MTCL3: variants seen among roughly 807,000 people sequenced by gnomAD.
MTCL3 encodes the protein microtubule cross-linking factor 3.
chr6:127,483,738 T>A, the MTCL3 span, among the ~76,000 whole-genome samples: 1 of 152,230 alleles, frequency 6.6e-6, no homozygotes, highest in Non-Finnish European at 1.5e-5. Context: ...AAGCGTAATA[T>A]GATCTCTGGT....
the MTCL3 span, chr6:127,515,724 AG>A: frequency 6.3e-7 from 1 of 1,591,634 alleles, no homozygotes; most frequent in Non-Finnish European, 8.5e-7. The surrounding 1 kb of genome is among the most constrained non-coding windows in gnomAD (Gnocchi z 4.3). Flanking sequence ...CGCAAACGGC[AG>A]GGGGGCCAGA....
the MTCL3 span, chr6:127,517,732 A>C: frequency 1.6e-4 from 25 of 152,176 alleles, no homozygotes; most frequent in Admixed American, 1.1e-3. Flanking sequence ...CAGTATGTGT[A>C]TTTCCAAGAT....
chr6:127,477,494 T>C, the MTCL3 span, among the ~76,000 whole-genome samples: 1 of 152,138 alleles, frequency 6.6e-6, no homozygotes, highest in African/African-American at 2.4e-5. Flanking sequence ...GGTTTCTTCA[T>C]TAAAAAAACA....
chr6:127,490,741 C>T, the MTCL3 span, among the ~76,000 whole-genome samples: 27 of 152,200 alleles, frequency 1.8e-4, no homozygotes, highest in East Asian at 5.8e-4. Flanking sequence ...TGCTAGAACC[C>T]GGGATGCAGA....
the MTCL3 span, among the ~76,000 whole-genome samples, chr6:127,492,970 A>T: frequency 6.6e-6 from 1 of 152,250 alleles, no homozygotes; most frequent in Non-Finnish European, 1.5e-5. Context: ...AATAAATTTC[A>T]TCCTAACATT....
the MTCL3 span, chr6:127,515,608 G>C: frequency 7.0e-7 from 1 of 1,421,672 alleles, no homozygotes. This position sits in a 1 kb window ranked among gnomAD's most constrained non-coding sequence, Gnocchi z 4.3. Context: ...CGACGAAGGG[G>C]GCGCTGCCGC....
the MTCL3 span, among the ~76,000 whole-genome samples, chr6:127,503,447 C>T: frequency 6.6e-6 from 1 of 152,212 alleles, no homozygotes; most frequent in Non-Finnish European, 1.5e-5. Context: ...AATCAATTGT[C>T]TCAGACATTG....
At chr6:127,485,295 A>G in the MTCL3 span, among the ~76,000 whole-genome samples, 4 of 152,162 alleles carry the variant, frequency 2.6e-5, no homozygotes, top group Non-Finnish European at 4.4e-5. Flanking sequence ...AAGGGAAAAA[A>G]AAAGGCATTC....
chr6:127,493,808 ATTTTG>A, the MTCL3 span, among the ~76,000 whole-genome samples: 4 of 152,316 alleles, frequency 2.6e-5, no homozygotes, highest in Admixed American at 6.5e-5. Context: ...TCATGGTATT[ATTTTG>A]TTTTATTTTT....
the MTCL3 span, among the ~76,000 whole-genome samples, chr6:127,498,549 ACCATATGACCC>A: frequency 0.059 from 9,027 of 152,180 alleles, 303 homozygotes; most frequent in African/African-American, 0.087. Context: ...ACACAAATTC[ACCATATGACCC>A]CCAAATTCTA....
At chr6:127,475,652 G>T in the MTCL3 span, 1 of 1,594,176 alleles carries the variant, frequency 6.3e-7, no homozygotes, top group African/African-American at 1.3e-5. The surrounding 1 kb of genome is among the most constrained non-coding windows in gnomAD (Gnocchi z 7.3). Context: ...GTGGGCGTGA[G>T]GCAGCGGATG....
chr6:127,486,006 G>T, the MTCL3 span, among the ~76,000 whole-genome samples: 19 of 152,172 alleles, frequency 1.2e-4, no homozygotes, highest in African/African-American at 4.3e-4. Flanking sequence ...CTCCTGAAAA[G>T]AAGTGATGGA....
At chr6:127,498,350 C>T in the MTCL3 span, among the ~76,000 whole-genome samples, 1 of 152,040 alleles carries the variant, frequency 6.6e-6, no homozygotes, top group Non-Finnish European at 1.5e-5. Flanking sequence ...TACTCAACAT[C>T]ATTAGGGAAA....
At chr6:127,495,902 G>C in the MTCL3 span, among the ~76,000 whole-genome samples, 1 of 152,102 alleles carries the variant, frequency 6.6e-6, no homozygotes, top group South Asian at 2.1e-4. Flanking sequence ...TCTAGATTAT[G>C]GCATGGCAAC....
At chr6:127,476,001 C>T in the MTCL3 span, 2 of 1,610,584 alleles carry the variant, frequency 1.2e-6, no homozygotes, top group Non-Finnish European at 1.7e-6. This position sits in a 1 kb window ranked among gnomAD's most constrained non-coding sequence, Gnocchi z 4.4. Context: ...TGTTGAGCTC[C>T]GCCGTGATGC....
At chr6:127,488,827 G>T in the MTCL3 span, among the ~76,000 whole-genome samples, 3 of 152,096 alleles carry the variant, frequency 2.0e-5, no homozygotes, top group African/African-American at 7.2e-5. Flanking sequence ...ACCAACCACA[G>T]ATTGAATTTT....
At chr6:127,492,859 A>C in the MTCL3 span, among the ~76,000 whole-genome samples, 1 of 152,184 alleles carries the variant, frequency 6.6e-6, no homozygotes, top group Non-Finnish European at 1.5e-5. Flanking sequence ...GCTTAAATAA[A>C]TTATTTTTAA....
chr6:127,493,101 T>C, the MTCL3 span, among the ~76,000 whole-genome samples: 1 of 152,234 alleles, frequency 6.6e-6, no homozygotes, highest in Non-Finnish European at 1.5e-5. Flanking sequence ...TTTATATTTG[T>C]TCATCCCACC....
At chr6:127,494,275 A>C in the MTCL3 span, among the ~76,000 whole-genome samples, 1 of 152,242 alleles carries the variant, frequency 6.6e-6, no homozygotes, top group Admixed American at 6.5e-5. Context: ...TTAAGTGTAC[A>C]GTGAAATTTA....
Sources: gnomAD v4.1 joint callset for allele counts (sites outside exome capture counted in the v4.1 genomes callset) on GRCh38, gnomAD v4.1.1 for gene constraint, Gnocchi (gnomAD v3.1) non-coding constraint, MANE v1.5 for transcripts, NCBI Gene and HGNC (gene_info 2026-07-23, HGNC 2026-07-21) for gene names.